TOP3B: variants seen among roughly 807,000 people sequenced by gnomAD.
The protein encoded by TOP3B is DNA topoisomerase III beta.
TOP3B carries 45 observed loss-of-function variants against 93.9 expected under a neutral mutation model. That is an observed-to-expected ratio of 0.48 (90% CI 0.38 to 0.61). TOP3B has a LOEUF of 0.61. Ranked by LOEUF, TOP3B falls within the 20% of genes least tolerant of loss-of-function variation. The probability of loss-of-function intolerance (pLI) is 0.00; values close to 1 mark genes in which losing one functional copy is unlikely to be tolerated. For missense variants in TOP3B, 750 were observed against 1,156.1 expected, an observed-to-expected ratio of 0.65 and a Z score of 5.09; for synonymous variants, 357 against 472.6, an observed-to-expected ratio of 0.76 and a Z score of 3.17.
Position 21,970,582 on chromosome 22 carries a change from CCCCTG to C in TOP3B, c.385-181_385-177del. The stretch of plus-strand genomic sequence containing the variant: ...TGCACCTGCCAGACCCTCCTCTATC[CCCCTG>C]CCTTTCCAGAAGCCCTGAGCACTCC... On this transcript the variant is annotated intron_variant, in intron 5 of 17. Coordinates refer to ENST00000357179, the MANE Select transcript of TOP3B (RefSeq NM_001282112.2). The surrounding 1 kb of genome is among the most constrained non-coding windows in gnomAD (Gnocchi z 4.4). 1 of 658,960 alleles carries C rather than the reference CCCCTG, an allele frequency of 1.5e-6. No individual in the cohort carries two copies. The highest frequency in any genetic ancestry group is 2.6e-6 in the Non-Finnish European group (1 of 389,382). The allele number at this position is 658,960 out of a possible 1,614,324, so 40.8% of individuals were successfully genotyped here. A position where few individuals can be genotyped will look rare whatever the true frequency, so the allele number is the denominator to read the frequency against.
intron 7 of TOP3B, 114 bp downstream of exon 7, chr22:21,968,505 C>T (rs1037063468): frequency 1.2e-5 from 17 of 1,365,520 alleles, no homozygotes; most frequent in East Asian, 6.9e-5. Flanking sequence ...CAGGTACAGC[C>T]GTCCACACTT....
rs1205047844 is a variant in TOP3B, at chr22:21,962,482, G to A, written c.1472C>T (p.Pro491Leu). ...GAGCTCGGCCTCCGTCAGGTAGTCG[G>A]GTGGGTTCGTCTGCTTCTCCAGCAT... ...VKMLEKQTNP[P>L]DYLTEAELIT... Residue 491 changes from proline (P) to leucine (L), a missense_variant, in exon 13 of 18, where the codon CCC becomes CTC. Transcript: ENST00000357179. The A allele has an allele frequency of 1.2e-6, 2 of 1,613,644 alleles. No homozygotes were observed. Among genetic ancestry groups the A allele is most frequent in the Non-Finnish European group, 1.7e-6 (2 of 1,180,036 alleles).
chr22:21,960,603 C>T (rs1054501189), intron 13 of TOP3B, 154 bp from the exon 14 acceptor site: 2 of 996,114 alleles, frequency 2.0e-6, no homozygotes, highest in East Asian at 5.2e-5. Context: ...TCCCCCTGCA[C>T]TGTGCTGGGC....
In TOP3B at chr22:21,970,266, C is replaced by T. The variant is rs757807345; in HGVS notation, c.525G>A (p.Ala175=). ...GCTCCTGGCGAGCATCCACTGAGAG[C>T]GCCTCGTTGTGGTCAGGCTCGCCTA... is the stretch of plus-strand genomic sequence containing the variant. ...ACLGEPDHNE[A]LSVDARQELD... Residue 175 remains alanine (A), a synonymous_variant, in exon 6 of 18, where the codon GCG becomes GCA. Coordinates refer to ENST00000357179, the MANE Select transcript of TOP3B (RefSeq NM_001282112.2). The surrounding 1 kb of genome is among the most constrained non-coding windows in gnomAD (Gnocchi z 4.4). 9.3e-6 allele frequency: 15 copies of T among 1,613,728 alleles called. No individual in the cohort carries two copies. The highest frequency in any genetic ancestry group is 1.7e-5 in the Admixed American group (1 of 59,996).
At chr22:21,979,709 A>G (rs986323616) in intron 1 of TOP3B, among the ~76,000 whole-genome samples, 1 of 151,686 alleles carries the variant, frequency 6.6e-6, no homozygotes, top group Non-Finnish European at 1.5e-5. Context: ...TGGGAGGCCA[A>G]GGTGGGCAGA....
At position 21,960,213 on chromosome 22, in the gene TOP3B, G is replaced by A. The variant is rs951773452; in HGVS notation, c.1654+108C>T. 15 of 1,518,900 alleles carry A rather than the reference G, an allele frequency of 9.9e-6. No homozygotes were observed. The African/African-American group carries it at 2.1e-4, about 21-fold the overall frequency. The allele number at this position is 1,518,900 out of a possible 1,614,324, so 94.1% of individuals were successfully genotyped here. On this transcript the variant is annotated intron_variant, in intron 14 of 17. Transcript: ENST00000357179. ...TGTTGAGGGAGTGTGTGTGGGGCTG[G>A]GGGATCACTGTAGGGCAGGGGCCTG... is the stretch of plus-strand genomic sequence containing the variant.
intron 2 of TOP3B, 128 bp from the exon 3 acceptor site, chr22:21,974,616 T>G: frequency 1.9e-6 from 2 of 1,053,996 alleles, no homozygotes; most frequent in African/African-American, 1.6e-5. Context: ...AGTGACGACA[T>G]TCCGCAGACT....
chr22:21,962,016 C>T lies in TOP3B; in HGVS notation c.1525+413G>A, dbSNP rs193254190. The T allele has an allele frequency of 7.8e-4, 677 of 871,772 alleles. 3 individuals carry two copies. The African/African-American group carries it at 0.011, about 14-fold the overall frequency. 54.0% of individuals were successfully genotyped at this position (871,772 alleles called of 1,614,324 possible). A position where few individuals can be genotyped will look rare whatever the true frequency, so the allele number is the denominator to read the frequency against. Reference sequence around the variant, plus strand: ...TGCCTGGGACAGGCATTTCTGTTCTCTCCCAGGGAAGCAGCTCCTGTGAGA... The same window carrying T: ...TGCCTGGGACAGGCATTTCTGTTCTTTCCCAGGGAAGCAGCTCCTGTGAGA... On this transcript the variant is annotated intron_variant, in intron 13 of 17. Coordinates refer to ENST00000357179, the MANE Select transcript of TOP3B (RefSeq NM_001282112.2).
chr22:21,960,442 A>G lies in TOP3B; in HGVS notation c.1533T>C (p.Asp511=). The G allele has an allele frequency of 6.2e-7, 1 of 1,613,410 alleles. No individual in the cohort carries two copies. Among genetic ancestry groups the G allele is most frequent in the Non-Finnish European group, 8.5e-7 (1 of 1,179,956 alleles). The part of the protein sequence containing the change: ...TLMEKHGIGT[D]ASIPVHINNI... ...TGTTGATATGCACAGGGATGCTGGC[A>G]TCCGTGCCTGCAATGTACAAGGCCC... is the stretch of plus-strand genomic sequence containing the variant. Residue 511 remains aspartate, a synonymous_variant, in exon 14 of 18, where the codon GAT becomes GAC. Transcript: ENST00000357179.
At chr22:21,962,723 G>A (rs1304022717) in intron 12 of TOP3B, 24 bp downstream of exon 12, 1 of 1,613,872 alleles carries the variant, frequency 6.2e-7, no homozygotes, top group South Asian at 1.1e-5. Flanking sequence ...GCACAGAGGA[G>A]GAAGGCTGGG....
intron 11 of TOP3B, 81 bp from the exon 12 acceptor site, chr22:21,962,974 A>C: frequency 6.5e-7 from 1 of 1,539,802 alleles, no homozygotes; most frequent in Middle Eastern, 1.8e-4. Context: ...TCGCTCGAGC[A>C]GCAAGCTCCT....
intron 2 of TOP3B, chr22:21,974,748 G>A (rs2071792215): frequency 3.0e-6 from 1 of 333,368 alleles, no homozygotes. Context: ...GGAGCAGGCA[G>A]GGGTGGGCTC....
intron 1 of TOP3B, among the ~76,000 whole-genome samples, chr22:21,981,406 C>T (rs2084628544): frequency 6.6e-6 from 1 of 152,182 alleles, no homozygotes; most frequent in South Asian, 2.1e-4. Flanking sequence ...AGCTTTGCTT[C>T]CTTGTAGCAC....
intron 13 of TOP3B, chr22:21,961,915 C>G (rs2071200830): frequency 1.2e-5 from 3 of 252,510 alleles, no homozygotes; most frequent in Middle Eastern, 1.4e-3. Flanking sequence ...CTGGTGACTA[C>G]ACTTTTGCTT....
chr22:21,957,978 G>A (rs2187583), intron 17 of TOP3B: 41 of 1,329,732 alleles, frequency 3.1e-5, no homozygotes, highest in East Asian at 4.3e-5. Context: ...TCTCACTCCC[G>A]GGGCAGCCTG....
chr22:21,965,387 G>T lies in TOP3B; in HGVS notation c.853-12C>A, dbSNP rs763434150. On this transcript the variant is annotated splice_polypyrimidine_tract_variant and intron_variant, in intron 8 of 17. Transcript: ENST00000357179. ...CTTGTGGCCTCCACCTGGAAGACAGGACAGTCAATGATTTGGGGAAGGAGG... is the reference window on the plus strand; with the variant it reads ...CTTGTGGCCTCCACCTGGAAGACAGTACAGTCAATGATTTGGGGAAGGAGG... 11 of 1,529,902 alleles carry T rather than the reference G, an allele frequency of 7.2e-6. No individual in the cohort carries two copies. The African/African-American group carries it at 1.2e-4, about 17-fold the overall frequency. 94.8% of individuals were successfully genotyped at this position (1,529,902 alleles called of 1,614,324 possible).
rs1019582097 is a variant in TOP3B, at chr22:21,963,371, G to A, written c.1205-478C>T. On this transcript the variant is annotated intron_variant, in intron 11 of 17. Transcript: ENST00000357179. The surrounding 1 kb of genome is among the most constrained non-coding windows in gnomAD (Gnocchi z 4.8). ...AAAAAAAAAAGCAAATGCGGAGGAA[G>A]GGAACACAAGCCTCCATGCCTCAGT... 4 of 166,184 alleles carry A rather than the reference G, an allele frequency of 2.4e-5. No homozygotes were observed. The highest frequency in any genetic ancestry group is 9.7e-5 in the African/African-American group (4 of 41,396). 10.3% of individuals were successfully genotyped at this position (166,184 alleles called of 1,614,324 possible).
chr22:21,971,826 G>A lies in TOP3B; in HGVS notation c.384+51C>T, dbSNP rs1055741614. The A allele has an allele frequency of 1.3e-6, 2 of 1,558,650 alleles. No individual in the cohort carries two copies. Among genetic ancestry groups the A allele is most frequent in the African/African-American group, 2.7e-5 (2 of 73,768 alleles). The stretch of plus-strand genomic sequence containing the variant: ...GACTGACTGCTGGTGTCAGTTTGGG[G>A]CTGGTGTCAGAAAGGCCAAAAGTGA... On this transcript the variant is annotated intron_variant, in intron 5 of 17. Coordinates refer to ENST00000357179, the MANE Select transcript of TOP3B (RefSeq NM_001282112.2). This position sits in a 1 kb window ranked among gnomAD's most constrained non-coding sequence, Gnocchi z 4.6.
Position 21,974,478 on chromosome 22 carries a change from G to A in TOP3B, c.81C>T (p.Ser27=). The part of the protein sequence containing the change: ...IAKILSRGSL[S]SHKGLNGACS... Reference sequence around the variant, plus strand: ...AGGCCCCGTTCAGCCCTTTGTGTGAGGACAGGCTCCCTGGGGATGAGGAAG... The same window carrying A: ...AGGCCCCGTTCAGCCCTTTGTGTGAAGACAGGCTCCCTGGGGATGAGGAAG... The change falls in exon 3 of 18, where the codon TCC becomes TCT. Residue 27 remains serine (S), a synonymous_variant. Coordinates refer to ENST00000357179, the MANE Select transcript of TOP3B (RefSeq NM_001282112.2). 1.2e-6 allele frequency: 2 copies of A among 1,609,526 alleles called. No individual in the cohort carries two copies. Among genetic ancestry groups the A allele is most frequent in the Non-Finnish European group, 1.7e-6 (2 of 1,177,472 alleles).
Sources: gnomAD v4.1 joint callset for allele counts (sites outside exome capture counted in the v4.1 genomes callset) on GRCh38, gnomAD v4.1.1 for gene constraint, Gnocchi (gnomAD v3.1) non-coding constraint, MANE v1.5 for transcripts, NCBI Gene and HGNC (gene_info 2026-07-23, HGNC 2026-07-21) for gene names.